SOX5: variants seen among roughly 807,000 people sequenced by gnomAD.
SOX5 encodes transcription factor SOX-5.
Under a neutral mutation model 92.0 loss-of-function variants are expected in SOX5, and 9 were observed. That is an observed-to-expected ratio of 0.10 (90% confidence interval 0.06 to 0.17). The LOEUF is 0.17. Among genes scored for constraint, SOX5 ranks in the 10% least tolerant of loss-of-function variants. The probability of loss-of-function intolerance (pLI) is 1.00; values close to 1 mark genes in which losing one functional copy is unlikely to be tolerated. For synonymous variants in SOX5, 344 were observed against 336.3 expected (o/e 1.02, Z -0.25); for missense variants, 642 against 944.5 (o/e 0.68, Z 4.20).
At chr12:24,069,720 G>C (rs918265911) in intron 4 of SOX5, among the ~76,000 whole-genome samples, 1 of 152,168 alleles carries the variant, frequency 6.6e-6, no homozygotes, top group African/African-American at 2.4e-5. Flanking sequence ...CTTTTACAAG[G>C]CTGGATTTTT....
At chr12:23,991,233 T>C (rs983742427) in intron 4 of SOX5, among the ~76,000 whole-genome samples, 1 of 150,030 alleles carries the variant, frequency 6.7e-6, no homozygotes, top group African/African-American at 2.4e-5. Flanking sequence ...CATGGTAGCA[T>C]GCAAACATAG....
intron 1 of SOX5, among the ~76,000 whole-genome samples, chr12:24,412,779 TC>T (rs1362728409): frequency 4.9e-5 from 4 of 81,950 alleles, no homozygotes; most frequent in South Asian, 4.5e-4. Flanking sequence ...CATTAGATTT[TC>T]TTTTTTTTTT....
chr12:23,848,792 A>G (rs1325842426), intron 2 of SOX5, among the ~76,000 whole-genome samples: 1 of 152,216 alleles, frequency 6.6e-6, no homozygotes, highest in Admixed American at 6.5e-5. Flanking sequence ...TTCTAAGGGC[A>G]TACCAGTACT....
rs555310943 is a variant in SOX5, at chr12:23,832,796, CA to C, written c.481+13186del. Among the ~76,000 whole-genome samples the C allele has an allele frequency of 1.6e-3, 217 of 135,624 alleles. 1 individual carries two copies. Among genetic ancestry groups the C allele is most frequent in the Middle Eastern group, 3.8e-3 (1 of 262 alleles). 89.0% of individuals were successfully genotyped at this position (135,624 alleles called of 152,430 possible). On this transcript the variant is annotated intron_variant, in intron 3 of 14. Transcript: ENST00000451604. ...TACAAGGTAGATGCTCACTTTTAGG[CA>C]AAAAAAAAAACCCTTACTTTAAATT...
chr12:24,160,773 G>A (rs1269186006), intron 4 of SOX5, among the ~76,000 whole-genome samples: 3 of 151,928 alleles, frequency 2.0e-5, no homozygotes, highest in African/African-American at 7.2e-5. Flanking sequence ...TGCATGAGAA[G>A]AGTAGCTTAA....
intron 4 of SOX5, among the ~76,000 whole-genome samples, chr12:24,121,615 G>A (rs1309018516): frequency 2.1e-5 from 3 of 145,774 alleles, no homozygotes; most frequent in Non-Finnish European, 4.5e-5. Flanking sequence ...TGGGCCGGGC[G>A]CGGTGGCTCA....
intron 1 of SOX5, among the ~76,000 whole-genome samples, chr12:24,424,383 T>C (rs2136966743): frequency 6.6e-6 from 1 of 152,328 alleles, no homozygotes; most frequent in South Asian, 2.1e-4. Context: ...CCTTAAAACA[T>C]AATTATTCAA....
At chr12:24,406,249 G>C (rs1317830605) in intron 1 of SOX5, among the ~76,000 whole-genome samples, 1 of 152,164 alleles carries the variant, frequency 6.6e-6, no homozygotes, top group Non-Finnish European at 1.5e-5. Context: ...AGAGGGAACA[G>C]ACTATCTGAA....
intron 4 of SOX5, among the ~76,000 whole-genome samples, chr12:24,189,684 T>C (rs1956339206): frequency 6.6e-6 from 1 of 152,202 alleles, no homozygotes; most frequent in Non-Finnish European, 1.5e-5. Flanking sequence ...CGATTCTAGT[T>C]CTTACCCTCA....
At position 24,476,067 on chromosome 12, in the gene SOX5, G is replaced by A. The variant is rs114081252; in HGVS notation, c.-251+86262C>T. 7.6e-3 allele frequency among the ~76,000 whole-genome samples: 1,161 copies of A among 151,896 alleles called. 18 individuals are homozygous for A. The highest frequency in any genetic ancestry group is 0.027 in the African/African-American group (1,128 of 41,442). ...CCTTGGAGGGAAAGCCAGTGCTATA[G>A]CATCTAACACGTGCTAGGCAGTGCT... is the stretch of plus-strand genomic sequence containing the variant. On this transcript the variant is annotated intron_variant, in intron 1 of 4. Transcript: ENST00000446891.
At chr12:23,733,271 C>A (rs1174090488) in intron 6 of SOX5, among the ~76,000 whole-genome samples, 1 of 152,118 alleles carries the variant, frequency 6.6e-6, no homozygotes, top group Non-Finnish European at 1.5e-5. Flanking sequence ...AATTACCTTA[C>A]TTAGAATAAG....
At chr12:23,797,634 G>T (rs2142080877) in intron 3 of SOX5, among the ~76,000 whole-genome samples, 1 of 152,126 alleles carries the variant, frequency 6.6e-6, no homozygotes, top group African/African-American at 2.4e-5. Context: ...TAAAAATTCT[G>T]GGATAATTCC....
At chr12:23,841,266 T>C (rs1193472164) in intron 3 of SOX5, among the ~76,000 whole-genome samples, 2 of 152,112 alleles carry the variant, frequency 1.3e-5, no homozygotes, top group Non-Finnish European at 2.9e-5. Flanking sequence ...GAGATACTAC[T>C]ACACACCTAT....
chr12:24,256,008 C>G (rs1160393775), intron 3 of SOX5, among the ~76,000 whole-genome samples: 1 of 152,078 alleles, frequency 6.6e-6, no homozygotes, highest in Non-Finnish European at 1.5e-5. Flanking sequence ...CAAAAATTGA[C>G]CTAGTTGGTT....
chr12:24,473,103 A>T (rs553356621), intron 1 of SOX5, among the ~76,000 whole-genome samples: 6 of 152,146 alleles, frequency 3.9e-5, no homozygotes, highest in Non-Finnish European at 7.3e-5. Context: ...CTAGAGTAGT[A>T]CCAAGCAGAG....
chr12:23,693,956 C>T (rs891618028), intron 6 of SOX5, among the ~76,000 whole-genome samples: 14 of 152,000 alleles, frequency 9.2e-5, no homozygotes, highest in Admixed American at 3.9e-4. Flanking sequence ...TAAAGATATC[C>T]GTAAAGTTGT....
chr12:24,088,722 C>T (rs1367068995), intron 4 of SOX5, among the ~76,000 whole-genome samples: 1 of 151,978 alleles, frequency 6.6e-6, no homozygotes, highest in Non-Finnish European at 1.5e-5. Context: ...AAGACATCAT[C>T]TTATTTCTAA....
intron 2 of SOX5, among the ~76,000 whole-genome samples, chr12:24,353,563 T>C (rs1428686892): frequency 6.6e-6 from 1 of 151,980 alleles, no homozygotes; most frequent in Non-Finnish European, 1.5e-5. Flanking sequence ...GATAATGCTT[T>C]GCATAGACTA....
intron 4 of SOX5, among the ~76,000 whole-genome samples, chr12:24,061,226 G>A (rs759857790): frequency 9.9e-5 from 15 of 152,000 alleles, no homozygotes; most frequent in Non-Finnish European, 1.2e-4. Flanking sequence ...CCCATACAAG[G>A]CACAAGCAGA....
Sources: allele counts gnomAD v4.1 joint callset (sites outside exome capture counted in the v4.1 genomes callset), GRCh38; gene constraint gnomAD v4.1.1; transcripts MANE v1.5; gene names NCBI Gene and HGNC (gene_info 2026-07-23, HGNC 2026-07-21).